The following CSMD1 variants were observed in gnomAD, a reference collection of about 807,000 sequenced individuals.
CSMD1 encodes the protein CUB and Sushi multiple domains 1.
Under a neutral mutation model 417.5 loss-of-function variants are expected in CSMD1, and 213 were observed. The observed-to-expected ratio is 0.51, with a 90% CI of 0.46 to 0.57. The LOEUF (loss-of-function observed/expected upper bound fraction) is 0.57. Ranked by LOEUF, CSMD1 falls within the 20% of genes least tolerant of loss-of-function variation. CSMD1 has a pLI of 0.00. For synonymous variants in CSMD1, 2,862 were observed against 1,736.8 expected (o/e 1.65, Z -16.11); for missense variants, 6,923 against 4,529.7 (o/e 1.53, Z -15.17).
rs540405204 is a variant in CSMD1, at chr8:4,417,872, C to T, written c.415+2081G>A. On this transcript the variant is annotated intron_variant, in intron 3 of 69. Coordinates refer to ENST00000635120, the MANE Select transcript of CSMD1 (RefSeq NM_033225.6). The stretch of plus-strand genomic sequence containing the variant: ...TTCTGACCTTTTCCCATGACATTTC[C>T]TTGGAAAGTAATAGTTGTCTAAAGT... Among the ~76,000 whole-genome samples the T allele has an allele frequency of 4.6e-5, 7 of 151,982 alleles. No individual in the cohort carries two copies. In the South Asian group the frequency reaches 1.5e-3, roughly 32 times the overall value.
intron 3 of CSMD1, among the ~76,000 whole-genome samples, chr8:4,072,453 G>C (rs547084423): frequency 5.3e-5 from 8 of 152,220 alleles, no homozygotes; most frequent in Admixed American, 2.6e-4. Context: ...CTGGGAGATA[G>C]ACTTTATTAT....
At chr8:4,980,313 T>C (rs1810817631) in intron 1 of CSMD1, among the ~76,000 whole-genome samples, 1 of 152,138 alleles carries the variant, frequency 6.6e-6, no homozygotes, top group Admixed American at 6.5e-5. Context: ...ACAAGGGCTG[T>C]GTGCCTATTA....
chr8:4,418,260 A>G (rs760554357), intron 3 of CSMD1, among the ~76,000 whole-genome samples: 21 of 152,132 alleles, frequency 1.4e-4, no homozygotes, highest in Non-Finnish European at 2.4e-4. Context: ...AAGTTACTCA[A>G]CTTATGGCCC....
rs572266794 is a variant in CSMD1, at chr8:4,718,198, A to G, written c.86-80640T>C. ...ACCTATGTAGCCCAGGCTGGTCTCAAACTCCTGGGCTTAAGTGATTCTCCT... is the reference window on the plus strand; with the variant it reads ...ACCTATGTAGCCCAGGCTGGTCTCAGACTCCTGGGCTTAAGTGATTCTCCT... On this transcript the variant is annotated intron_variant, in intron 1 of 69. Coordinates refer to ENST00000635120, the MANE Select transcript of CSMD1 (RefSeq NM_033225.6). 1.9e-3 allele frequency among the ~76,000 whole-genome samples: 294 copies of G among 152,200 alleles called. 1 individual carries two copies. Among genetic ancestry groups the G allele is most frequent in the African/African-American group, 6.7e-3 (280 of 41,510 alleles).
intron 11 of CSMD1, among the ~76,000 whole-genome samples, chr8:3,481,273 T>G (rs1817736028): frequency 1.3e-5 from 2 of 151,934 alleles, no homozygotes; most frequent in Admixed American, 1.3e-4. Context: ...CTTTTACCTG[T>G]GTTTTCAAAA....
chr8:4,820,546 G>A (rs75565538), intron 1 of CSMD1, among the ~76,000 whole-genome samples: 2 of 152,116 alleles, frequency 1.3e-5, no homozygotes, highest in Non-Finnish European at 2.9e-5. Flanking sequence ...ATAAGGGAAT[G>A]ATCCAAGTGA....
chr8:3,384,698 A>G (rs928724289), intron 18 of CSMD1, among the ~76,000 whole-genome samples: 6 of 109,150 alleles, frequency 5.5e-5, no homozygotes, highest in South Asian at 2.5e-4. Context: ...TATTTATATA[A>G]ATTATATATA....
intron 5 of CSMD1, among the ~76,000 whole-genome samples, chr8:3,904,524 G>T (rs552597049): frequency 2.6e-5 from 4 of 152,124 alleles, no homozygotes; most frequent in Non-Finnish European, 5.9e-5. Context: ...CTAAGAAACT[G>T]ACAGGTGATA....
intron 3 of CSMD1, among the ~76,000 whole-genome samples, chr8:4,403,014 G>C (rs1353319543): frequency 1.3e-5 from 2 of 151,422 alleles, no homozygotes; most frequent in African/African-American, 4.9e-5. Context: ...TGTTTTTTTA[G>C]TGGAGACGGG....
chr8:3,607,223 T>C (rs1801663088), intron 8 of CSMD1, among the ~76,000 whole-genome samples: 1 of 152,200 alleles, frequency 6.6e-6, no homozygotes, highest in African/African-American at 2.4e-5. Flanking sequence ...GGATCATTAA[T>C]ATCACTGTTT....
chr8:4,898,768 C>CG lies in CSMD1; in HGVS notation c.85+95563dup, dbSNP rs138977811. On this transcript the variant is annotated intron_variant, in intron 1 of 69. Transcript: ENST00000635120. ...TGTAAATTTAGTTCATCGTTGGAAGCGGGGGGAAGTGAAATGAAAACTGCA... is the reference window on the plus strand; with the variant it reads ...TGTAAATTTAGTTCATCGTTGGAAGCGGGGGGGAAGTGAAATGAAAACTGCA... 5.8e-3 allele frequency among the ~76,000 whole-genome samples: 888 copies of CG among 152,042 alleles called. 23 individuals carry two copies. In the East Asian group the frequency reaches 0.085, roughly 15 times the overall value.
chr8:4,051,605 C>T (rs994604024), intron 3 of CSMD1, among the ~76,000 whole-genome samples: 30 of 152,112 alleles, frequency 2.0e-4, no homozygotes, highest in African/African-American at 6.5e-4. Context: ...AAGTGCACAG[C>T]GGGGCTTGTA....
In CSMD1 at chr8:3,157,904, C is replaced by G. The variant is rs1044329248; in HGVS notation, c.5907G>C (p.Leu1969=). The change falls in exon 39 of 70, where the codon CTG becomes CTC. Residue 1969 remains leucine, a synonymous_variant. Transcript: ENST00000635120. The part of the protein sequence containing the change: ...TVRRWNYPSP[L]CIATCGGTLS... ...CAGAAGGTGCATCCTTACCAATGCA[C>G]AGGGGAGACGGATAGTTCCAACGGC... The G allele has an allele frequency of 6.4e-7, 1 of 1,553,588 alleles. No homozygotes were observed. The highest frequency in any genetic ancestry group is 2.0e-5 in the Admixed American group (1 of 51,248).
intron 12 of CSMD1, among the ~76,000 whole-genome samples, chr8:3,462,686 T>C (rs1193280613): frequency 6.6e-6 from 1 of 152,158 alleles, no homozygotes; most frequent in Non-Finnish European, 1.5e-5. Context: ...AGAAATAAAG[T>C]GCACAGTAAA....
chr8:4,171,674 G>C (rs777999947), intron 3 of CSMD1, among the ~76,000 whole-genome samples: 33 of 151,386 alleles, frequency 2.2e-4, no homozygotes, highest in Non-Finnish European at 4.6e-4. Context: ...TAAACTGGTA[G>C]AATATTTAGA....
At chr8:3,313,343 A>T (rs140381190) in intron 23 of CSMD1, among the ~76,000 whole-genome samples, 18,629 of 152,142 alleles carry the variant, frequency 0.12, 1,199 homozygotes, top group Non-Finnish European at 0.15. Context: ...ACATACAGAA[A>T]GGGAGAAAAT....
At chr8:3,482,080 A>G (rs1817779837) in intron 11 of CSMD1, among the ~76,000 whole-genome samples, 1 of 152,248 alleles carries the variant, frequency 6.6e-6, no homozygotes, top group Non-Finnish European at 1.5e-5. Flanking sequence ...AAATTAAAAA[A>G]CAAAACTTAA....
chr8:4,845,553 G>A (rs1456102843), intron 1 of CSMD1, among the ~76,000 whole-genome samples: 3 of 152,226 alleles, frequency 2.0e-5, no homozygotes, highest in South Asian at 2.1e-4. Context: ...TTTGGCCTAC[G>A]TGGTTTCTTA....
chr8:3,515,835 C>A (rs1001817422), intron 10 of CSMD1, among the ~76,000 whole-genome samples: 23 of 152,168 alleles, frequency 1.5e-4, no homozygotes, highest in African/African-American at 5.5e-4. Context: ...ATTATACATA[C>A]GGAAAGAAAA....
Sources: allele counts gnomAD v4.1 joint callset (sites outside exome capture counted in the v4.1 genomes callset), GRCh38; gene constraint gnomAD v4.1.1; transcripts MANE v1.5; gene names NCBI Gene and HGNC (gene_info 2026-07-23, HGNC 2026-07-21).